Variants in PTPRT observed in about 807,000 individuals in gnomAD.
PTPRT encodes protein tyrosine phosphatase receptor type T.
Under a neutral mutation model 176.8 loss-of-function variants are expected in PTPRT, and 56 were observed. The observed-to-expected ratio is 0.32, with a 90% CI of 0.26 to 0.40. PTPRT has a LOEUF of 0.40. PTPRT is among the 10% of genes least tolerant of loss of function. The pLI is 1.00. For synonymous variants in PTPRT, 783 were observed against 739.0 expected (o/e 1.06, Z -0.96); for missense variants, 1,540 against 1,908.2 (o/e 0.81, Z 3.60).
intron 2 of PTPRT, among the ~76,000 whole-genome samples, chr20:42,819,550 A>T (rs975437273): frequency 7.2e-5 from 11 of 152,184 alleles, no homozygotes; most frequent in African/African-American, 2.7e-4. Flanking sequence ...CACATATAAC[A>T]ATACTAACCT....
chr20:42,437,538 C>A (rs2059273015), intron 9 of PTPRT, among the ~76,000 whole-genome samples: 1 of 152,080 alleles, frequency 6.6e-6, no homozygotes, highest in Admixed American at 6.6e-5. Context: ...TCTTGAAGGA[C>A]CCTGGAGACA....
At chr20:43,019,779 G>C (rs561925769) in intron 1 of PTPRT, among the ~76,000 whole-genome samples, 187 of 152,034 alleles carry the variant, frequency 1.2e-3, no homozygotes, top group Middle Eastern at 3.4e-3. Context: ...GGAATAAAAA[G>C]CTGGAGGAAG....
intron 4 of PTPRT, among the ~76,000 whole-genome samples, chr20:42,778,664 C>T (rs2077171609): frequency 6.6e-6 from 1 of 152,170 alleles, no homozygotes; most frequent in Non-Finnish European, 1.5e-5. Context: ...AGACATCTCC[C>T]AACACAGTTG....
intron 7 of PTPRT, among the ~76,000 whole-genome samples, chr20:42,529,341 T>G (rs968423744): frequency 2.0e-5 from 3 of 152,332 alleles, no homozygotes; most frequent in Middle Eastern, 6.8e-3. Flanking sequence ...GACTGTCTAA[T>G]GAGCCGGGTT....
At chr20:42,827,884 G>A (rs536419384) in intron 2 of PTPRT, among the ~76,000 whole-genome samples, 18 of 152,296 alleles carry the variant, frequency 1.2e-4, no homozygotes, top group African/African-American at 3.1e-4. Flanking sequence ...CATGCTGAAC[G>A]GTGAGTCAAC....
At chr20:42,789,402 G>A (rs909478955) in intron 3 of PTPRT, among the ~76,000 whole-genome samples, 1 of 152,216 alleles carries the variant, frequency 6.6e-6, no homozygotes, top group Non-Finnish European at 1.5e-5. Context: ...CTTAGACAGT[G>A]AAATCAAACA....
intron 6 of PTPRT, among the ~76,000 whole-genome samples, chr20:42,743,636 T>C (rs1276425209): frequency 6.6e-6 from 1 of 152,192 alleles, no homozygotes; most frequent in Non-Finnish European, 1.5e-5. Context: ...AGCAGGAGAA[T>C]GAAGGCCACA....
chr20:42,771,715 C>G (rs1021839976), intron 4 of PTPRT, among the ~76,000 whole-genome samples, 165 bp from the exon 5 acceptor site: 2 of 152,180 alleles, frequency 1.3e-5, no homozygotes, highest in Non-Finnish European at 2.9e-5. Flanking sequence ...ATAAGTCTGG[C>G]ACTGTTCGAA....
At chr20:42,762,611 C>T (rs1328944459) in intron 5 of PTPRT, among the ~76,000 whole-genome samples, 1 of 152,250 alleles carries the variant, frequency 6.6e-6, no homozygotes, top group Non-Finnish European at 1.5e-5. Flanking sequence ...CTGACTACAG[C>T]CATGAGTCCT....
intron 2 of PTPRT, among the ~76,000 whole-genome samples, chr20:42,800,481 A>T (rs1474573347): frequency 1.3e-5 from 2 of 152,182 alleles, no homozygotes; most frequent in Non-Finnish European, 2.9e-5. Flanking sequence ...TCAGACCCCA[A>T]ATTGTTCTTG....
intron 1 of PTPRT, among the ~76,000 whole-genome samples, chr20:42,958,697 G>A (rs1339603168): frequency 1.3e-5 from 2 of 151,918 alleles, no homozygotes; most frequent in Non-Finnish European, 2.9e-5. Context: ...ATCTACACTA[G>A]GACACTTTTA....
intron 1 of PTPRT, among the ~76,000 whole-genome samples, chr20:43,167,193 C>T (rs570034490): frequency 1.3e-5 from 2 of 152,312 alleles, no homozygotes; most frequent in South Asian, 4.2e-4. Flanking sequence ...ACAACTCTGG[C>T]TCCCTCAACT....
At chr20:43,169,656 G>A (rs1297535276) in intron 1 of PTPRT, among the ~76,000 whole-genome samples, 1 of 151,886 alleles carries the variant, frequency 6.6e-6, no homozygotes, top group Non-Finnish European at 1.5e-5. Context: ...AATTTAAAAG[G>A]ATAGGTTACA....
At chr20:42,729,269 G>A (rs529235737) in intron 6 of PTPRT, among the ~76,000 whole-genome samples, 1 of 152,204 alleles carries the variant, frequency 6.6e-6, no homozygotes, top group East Asian at 1.9e-4. Context: ...GTCTACCCAG[G>A]GGGGTCGGTC....
At chr20:42,770,510 T>G (rs1240352793) in intron 5 of PTPRT, among the ~76,000 whole-genome samples, 2 of 152,234 alleles carry the variant, frequency 1.3e-5, no homozygotes, top group Non-Finnish European at 2.9e-5. Flanking sequence ...TTTCTCATCT[T>G]TCTTGGAAAG....
At chr20:42,330,002 G>A (rs986273780) in intron 11 of PTPRT, among the ~76,000 whole-genome samples, 1 of 152,082 alleles carries the variant, frequency 6.6e-6, no homozygotes, top group African/African-American at 2.4e-5. Context: ...TGAACGACAT[G>A]GCATAATCTA....
intron 7 of PTPRT, among the ~76,000 whole-genome samples, chr20:42,622,387 AC>A (rs762415160): frequency 6.6e-6 from 1 of 151,824 alleles, no homozygotes; most frequent in East Asian, 1.9e-4. Context: ...GACTACAGGC[AC>A]CCGCCAACAT....
intron 9 of PTPRT, among the ~76,000 whole-genome samples, chr20:42,434,547 G>T (rs1352789699): frequency 1.3e-5 from 2 of 151,376 alleles, no homozygotes; most frequent in Non-Finnish European, 1.5e-5. Flanking sequence ...GATTTTGGAT[G>T]GTCCTATAAG....
intron 2 of PTPRT, among the ~76,000 whole-genome samples, chr20:42,802,992 G>T (rs757859916): frequency 6.6e-6 from 1 of 152,224 alleles, no homozygotes; most frequent in African/African-American, 2.4e-5. Context: ...GACATGTTGA[G>T]AATTAGCTAC....
Sources: allele counts gnomAD v4.1 joint callset (sites outside exome capture counted in the v4.1 genomes callset), GRCh38; gene constraint gnomAD v4.1.1; transcripts MANE v1.5; gene names NCBI Gene and HGNC (gene_info 2026-07-23, HGNC 2026-07-21).